The following GATA4 variants were observed in gnomAD, a reference collection of about 807,000 sequenced individuals.
GATA4 encodes the protein GATA binding protein 4.
GATA4 carries 7 observed loss-of-function variants against 37.9 expected under a neutral mutation model. The observed-to-expected ratio is 0.18, with a 90% confidence interval of 0.11 to 0.35. The LOEUF (loss-of-function observed/expected upper bound fraction) is 0.35, where lower values mean the gene tolerates loss of function less well. Ranked by LOEUF, GATA4 falls within the 10% of genes least tolerant of loss-of-function variation. GATA4 has a pLI of 1.00. For synonymous variants in GATA4, 372 were observed against 292.6 expected, an observed-to-expected ratio of 1.27 and a Z score of -2.77; for missense variants, 647 against 653.0, an observed-to-expected ratio of 0.99 and a Z score of 0.10.
upstream of GATA4, chr8:11,692,112 G>C (rs909553293): frequency 6.6e-6 from 6 of 909,020 alleles, no homozygotes; most frequent in Admixed American, 2.5e-4. Context: ...GCAGGCAGGA[G>C]CTCGGGCCAC....
chr8:11,723,822 A>G (rs565426149), intron 2 of GATA4, among the ~76,000 whole-genome samples: 5 of 152,350 alleles, frequency 3.3e-5, no homozygotes, highest in Admixed American at 6.5e-5. Context: ...AACTATACAT[A>G]AGATAAAATG....
chr8:11,712,704 A>AAAAAG (rs1187766348), intron 2 of GATA4, among the ~76,000 whole-genome samples: 4 of 151,238 alleles, frequency 2.6e-5, no homozygotes, highest in African/African-American at 9.7e-5. Context: ...AAAAAAAAAA[A>AAAAAG]AAAAAAATTA....
chr8:11,681,392 C>G, intron 1 of GATA4: 1 of 985,294 alleles, frequency 1.0e-6, no homozygotes, highest in Non-Finnish European at 1.2e-6. Context: ...CTGGCAGACC[C>G]TTCCGGGATC....
chr8:11,680,912 G>A (rs1367055831), intron 1 of GATA4: 1 of 985,252 alleles, frequency 1.0e-6, no homozygotes, highest in Non-Finnish European at 1.2e-6. Context: ...AAGAGGCCAA[G>A]GATCACAGTA....
At chr8:11,686,946 C>T (rs752408519) in intron 1 of GATA4, among the ~76,000 whole-genome samples, 1 of 150,626 alleles carries the variant, frequency 6.6e-6, no homozygotes, top group South Asian at 2.1e-4. Context: ...TGCAGTGAAG[C>T]GAGATTGCGC....
chr8:11,722,356 C>T (rs892249976), intron 2 of GATA4, among the ~76,000 whole-genome samples: 5 of 152,276 alleles, frequency 3.3e-5, no homozygotes, highest in East Asian at 3.9e-4. Context: ...CTGAAAAGTA[C>T]GAGGACTCTT....
intron 1 of GATA4, among the ~76,000 whole-genome samples, chr8:11,679,979 T>C (rs547384708): frequency 6.6e-6 from 1 of 152,322 alleles, no homozygotes; most frequent in Admixed American, 6.5e-5. Context: ...ACTCCCCGCA[T>C]GATGAGAAGA....
At chr8:11,755,010 A>C (rs142727860) in intron 4 of GATA4, 36 bp from the exon 5 acceptor site, 1 of 1,538,476 alleles carries the variant, frequency 6.5e-7, no homozygotes, top group Non-Finnish European at 9.0e-7. Flanking sequence ...CTACGCAGAA[A>C]TGGAAAACCC....
At position 11,709,210 on chromosome 8, in the gene GATA4, G is replaced by GACA. The variant is rs2130074539; in HGVS notation, c.616+282_616+283insACA. On this transcript the variant is annotated intron_variant, in intron 2 of 6. Transcript: ENST00000532059. The surrounding 1 kb of genome is among the most constrained non-coding windows in gnomAD (Gnocchi z 4.3). ...CTCCCCGCCATCCCAGACATCGACCGTGGCCGCGCTGCGCTGTGGGTGACG... is the reference window on the plus strand; with the variant it reads ...CTCCCCGCCATCCCAGACATCGACCGACATGGCCGCGCTGCGCTGTGGGTGACG... Among the ~76,000 whole-genome samples, 1 of 152,322 alleles carries GACA rather than the reference G, an allele frequency of 6.6e-6. No homozygotes were observed. The highest frequency in any genetic ancestry group is 2.1e-4 in the South Asian group (1 of 4,824).
chr8:11,738,153 C>T (rs1453371987), intron 2 of GATA4, among the ~76,000 whole-genome samples: 1 of 149,706 alleles, frequency 6.7e-6, no homozygotes. Context: ...TGCACTCTAG[C>T]CTGGGTGACA....
intron 2 of GATA4, among the ~76,000 whole-genome samples, chr8:11,741,084 G>A (rs567837414): frequency 4.7e-4 from 72 of 152,284 alleles, no homozygotes; most frequent in African/African-American, 1.7e-3. Context: ...CTGGTGGGAA[G>A]GGGCCATGGT....
chr8:11,680,795 G>T (rs372005460), intron 1 of GATA4: 2 of 985,164 alleles, frequency 2.0e-6, no homozygotes, highest in Admixed American at 6.2e-5. Flanking sequence ...CCCGCCCCTC[G>T]CCCTGCTCAC....
intron 1 of GATA4, among the ~76,000 whole-genome samples, chr8:11,684,189 A>G (rs1308096779): frequency 1.3e-5 from 2 of 152,224 alleles, no homozygotes; most frequent in Non-Finnish European, 2.9e-5. Flanking sequence ...GCCTTAGTCA[A>G]GCCAACCTTC....
chr8:11,752,042 T>A (rs1374667783), intron 4 of GATA4, among the ~76,000 whole-genome samples: 1 of 152,092 alleles, frequency 6.6e-6, no homozygotes, highest in East Asian at 1.9e-4. Flanking sequence ...TAAAACCCCA[T>A]AAAGGAATGG....
chr8:11,715,906 A>G (rs1354620949), intron 2 of GATA4, among the ~76,000 whole-genome samples: 2 of 151,728 alleles, frequency 1.3e-5, no homozygotes, highest in Non-Finnish European at 2.9e-5. Flanking sequence ...CCCCCATTCT[A>G]TTTTCTTTTT....
chr8:11,715,520 G>T (rs1451656236), intron 2 of GATA4, among the ~76,000 whole-genome samples: 1 of 145,224 alleles, frequency 6.9e-6, no homozygotes, highest in African/African-American at 2.6e-5. Context: ...AGGCTGAGGC[G>T]GGCGGATCGT....
intron 1 of GATA4, among the ~76,000 whole-genome samples, chr8:11,693,562 C>CACACAGAGAGAGAGAGAG (rs1405047773): frequency 5.5e-5 from 4 of 72,230 alleles, no homozygotes; most frequent in African/African-American, 2.0e-4. Flanking sequence ...CACACACACA[C>CACACAGAGAGAGAGAGAG]AGAGAGAGAG....
chr8:11,749,232 T>C lies in GATA4; in HGVS notation c.786+147T>C, dbSNP rs1429386575. The C allele has an allele frequency of 3.8e-6, 3 of 794,502 alleles. No homozygotes were observed. Among genetic ancestry groups the C allele is most frequent in the Non-Finnish European group, 6.2e-6 (3 of 485,648 alleles). The allele number at this position is 794,502 out of a possible 1,614,324, so 49.2% of individuals were successfully genotyped here. A position where few individuals can be genotyped will look rare whatever the true frequency, so the allele number is the denominator to read the frequency against. The stretch of plus-strand genomic sequence containing the variant: ...AGCCCCATAATAATTCTCACAACTT[T>C]AGAGTTAGCTGGAGCCACCAGAATG... On this transcript the variant is annotated intron_variant, in intron 3 of 6. Coordinates refer to ENST00000532059, the MANE Select transcript of GATA4 (RefSeq NM_001308093.3). The surrounding 1 kb of genome is among the most constrained non-coding windows in gnomAD (Gnocchi z 4.6).
intron 2 of GATA4, among the ~76,000 whole-genome samples, chr8:11,726,002 T>A (rs1169910752): frequency 6.6e-6 from 1 of 152,204 alleles, no homozygotes; most frequent in African/African-American, 2.4e-5. Context: ...GTCCTTTTAT[T>A]TGGATTATAG....
Sources: gnomAD v4.1 joint callset for allele counts (sites outside exome capture counted in the v4.1 genomes callset) on GRCh38, gnomAD v4.1.1 for gene constraint, Gnocchi (gnomAD v3.1) non-coding constraint, MANE v1.5 for transcripts, NCBI Gene and HGNC (gene_info 2026-07-23, HGNC 2026-07-21) for gene names.